The following CEP192 variants were observed in gnomAD, a reference collection of about 807,000 sequenced individuals.
CEP192 encodes centrosomal protein 192.
CEP192 carries 151 observed loss-of-function variants against 271.8 expected under a neutral mutation model. That is an observed-to-expected ratio of 0.56 (90% confidence interval 0.49 to 0.64). The LOEUF (loss-of-function observed/expected upper bound fraction) is 0.64. Among genes scored for constraint, CEP192 ranks in the 30% least tolerant of loss-of-function variants. CEP192 has a pLI of 0.00. For missense variants in CEP192, 2,910 were observed against 3,020.5 expected, an observed-to-expected ratio of 0.96 and a Z score of 0.86; for synonymous variants, 995 against 1,076.5, an observed-to-expected ratio of 0.92 and a Z score of 1.48.
chr18:13,023,948 TAAG>T (rs2035140221), intron 9 of CEP192, among the ~76,000 whole-genome samples: 2 of 152,328 alleles, frequency 1.3e-5, no homozygotes, highest in Middle Eastern at 6.8e-3. Flanking sequence ...TTTTTTCTGA[TAAG>T]AAGAATGTGT....
At position 13,013,028 on chromosome 18, in the gene CEP192, A is replaced by T; in HGVS notation, c.519+3A>T. Reference sequence around the variant, plus strand: ...GGATGAATAATAAGGAACCCAAGGTAACCTTTTATATATTTGGTATCATTT... The same window carrying T: ...GGATGAATAATAAGGAACCCAAGGTTACCTTTTATATATTTGGTATCATTT... On this transcript the variant is annotated splice_donor_region_variant and intron_variant, in intron 5 of 44. Coordinates refer to ENST00000506447, the MANE Select transcript of CEP192 (RefSeq NM_032142.4). The T allele has an allele frequency of 7.1e-7, 1 of 1,412,148 alleles. No homozygotes were observed. The highest frequency in any genetic ancestry group is 9.8e-7 in the Non-Finnish European group (1 of 1,022,886). 87.5% of individuals were successfully genotyped at this position (1,412,148 alleles called of 1,614,324 possible). A position where few individuals can be genotyped will look rare whatever the true frequency, so the allele number is the denominator to read the frequency against.
intron 42 of CEP192, among the ~76,000 whole-genome samples, chr18:13,115,176 C>CT (rs1269463330): frequency 6.6e-6 from 1 of 152,202 alleles, no homozygotes; most frequent in Non-Finnish European, 1.5e-5. Context: ...GCTGTTATCC[C>CT]TTGCTTCTCT....
chr18:13,049,596 G>T lies in CEP192; in HGVS notation c.2805G>T (p.Arg935Ser), dbSNP rs751770596. Reference protein sequence around the residue: ...EEIRDNRENQRQNECVSEISN... With the variant: ...EEIRDNRENQSQNECVSEISN... ...TACGAGATAACAGAGAAAATCAGAGGCAAAATGAGTGTGTCAGTGAAATAA... is the reference window on the plus strand; with the variant it reads ...TACGAGATAACAGAGAAAATCAGAGTCAAAATGAGTGTGTCAGTGAAATAA... The change falls in exon 16 of 45, where the codon AGG becomes AGT. Residue 935 changes from arginine to serine, a missense_variant. Transcript: ENST00000506447. The T allele has an allele frequency of 6.2e-7, 1 of 1,613,800 alleles. No homozygotes were observed. The highest frequency in any genetic ancestry group is 8.5e-7 in the Non-Finnish European group (1 of 1,179,968).
At chr18:13,018,681 A>G (rs1568287883) in intron 8 of CEP192, 66 bp downstream of exon 8, 2 of 1,119,718 alleles carry the variant, frequency 1.8e-6, no homozygotes, top group Non-Finnish European at 2.5e-6. Flanking sequence ...TTTTAAAAAA[A>G]AAATATTTCT....
intron 36 of CEP192, among the ~76,000 whole-genome samples, chr18:13,096,967 G>C (rs977136440): frequency 6.6e-6 from 1 of 152,144 alleles, no homozygotes; most frequent in African/African-American, 2.4e-5. Context: ...ACATCTGCAC[G>C]TTCCTTTATA....
chr18:13,117,721 C>A, intron 44 of CEP192, 78 bp downstream of exon 44: 1 of 1,040,726 alleles, frequency 9.6e-7, no homozygotes, highest in South Asian at 1.3e-5. Flanking sequence ...CTTGTGAGGT[C>A]TCCTCTGCTG....
At chr18:13,045,713 A>T (rs570308320) in intron 15 of CEP192, among the ~76,000 whole-genome samples, 31 of 152,334 alleles carry the variant, frequency 2.0e-4, no homozygotes, top group African/African-American at 7.2e-4. Context: ...TTGTGCATAA[A>T]ATTTGTTGCA....
intron 39 of CEP192, 164 bp downstream of exon 39, chr18:13,103,752 A>G (rs544839639): frequency 1.5e-5 from 10 of 665,564 alleles, no homozygotes; most frequent in South Asian, 9.4e-5. Flanking sequence ...GTGCAGTGGT[A>G]TGAACACTGC....
intron 37 of CEP192, 107 bp downstream of exon 37, chr18:13,099,688 A>C: frequency 1.7e-6 from 1 of 603,902 alleles, no homozygotes; most frequent in South Asian, 2.5e-5. Context: ...ATGAAAGCGT[A>C]CTTGACCCTT....
intron 3 of CEP192, among the ~76,000 whole-genome samples, chr18:13,003,914 G>A (rs1359116595): frequency 6.6e-6 from 1 of 152,130 alleles, no homozygotes; most frequent in Admixed American, 6.5e-5. Context: ...GAACAGGCGT[G>A]GTCCTCAGGA....
rs577242952 is a variant in CEP192, at chr18:13,106,917, C to T, written c.7047+1838C>T. 5.3e-5 allele frequency among the ~76,000 whole-genome samples: 8 copies of T among 152,248 alleles called. No homozygotes were observed. The South Asian group carries it at 1.7e-3, about 32-fold the overall frequency. On this transcript the variant is annotated intron_variant, in intron 40 of 44. Coordinates refer to ENST00000506447, the MANE Select transcript of CEP192 (RefSeq NM_032142.4). The stretch of plus-strand genomic sequence containing the variant: ...CTTATTATAAAACATCCACTGTAGC[C>T]AAAATTATCTGGGTTTCCTTTTCTT...
chr18:13,048,990 A>C lies in CEP192; in HGVS notation c.2199A>C (p.Gln733His), dbSNP rs562814678. 17 of 1,614,164 alleles carry C rather than the reference A, an allele frequency of 1.1e-5. No individual in the cohort carries two copies. The East Asian group carries it at 3.8e-4, about 36-fold the overall frequency. Reference protein sequence around the residue: ...AEASVNTDPSQLAAMIKALSN... With the variant: ...AEASVNTDPSHLAAMIKALSN... Reference sequence around the variant, plus strand: ...CATCAGTTAATACTGATCCTTCCCAACTTGCTGCAATGATCAAGGCACTTT... The same window carrying C: ...CATCAGTTAATACTGATCCTTCCCACCTTGCTGCAATGATCAAGGCACTTT... The change falls in exon 16 of 45, where the codon CAA becomes CAC. Residue 733 changes from glutamine to histidine, a missense_variant. Transcript: ENST00000506447.
In CEP192 at chr18:13,008,933, C is replaced by G. The variant is rs143182040; in HGVS notation, c.466+302C>G. On this transcript the variant is annotated intron_variant, in intron 4 of 44. Transcript: ENST00000506447. ...ATGTTGCCCAGGCTGGGCTCGAACG[C>G]CTGGACTCAAATGATCTGCTGTGCC... Among the ~76,000 whole-genome samples the G allele has an allele frequency of 2.3e-3, 345 of 151,852 alleles. 4 individuals are homozygous for G. The highest frequency in any genetic ancestry group is 8.0e-3 in the African/African-American group (331 of 41,412).
Position 13,038,387 on chromosome 18 carries a change from T to C in CEP192, c.1617T>C (p.Ala539=). 1.3e-6 allele frequency: 2 copies of C among 1,551,490 alleles called. No homozygotes were observed. The highest frequency in any genetic ancestry group is 1.7e-6 in the Non-Finnish European group (2 of 1,146,782). ...HQFIQEENID[A]HNTSVALGDT... ...CTCCCTAGGAAGAAAACATAGATGC[T>C]CATAATACTTCGGTTGCACTGGGCG... Residue 539 remains alanine, a synonymous_variant, in exon 13 of 45, where the codon GCT becomes GCC. Transcript: ENST00000506447.
At chr18:13,042,413 G>A in intron 15 of CEP192, 79 bp downstream of exon 15, 2 of 1,425,918 alleles carry the variant, frequency 1.4e-6, no homozygotes, top group South Asian at 2.5e-5. Flanking sequence ...GATCACCTGT[G>A]AAAAATTTAT....
intron 44 of CEP192, among the ~76,000 whole-genome samples, chr18:13,122,612 A>G (rs891410226): frequency 6.6e-6 from 1 of 152,090 alleles, no homozygotes; most frequent in African/African-American, 2.4e-5. Context: ...GGAAGGAAGG[A>G]AGTGTGGTTG....
chr18:13,001,516 C>T lies in CEP192; in HGVS notation c.224C>T (p.Ser75Leu). The change falls in exon 3 of 45, where the codon TCA becomes TTA. Residue 75 changes from serine to leucine, a missense_variant. Ser to Leu is a moderately radical substitution (Grantham distance 145, BLOSUM62 -2). Transcript: ENST00000506447. ...GGGAGATTTTCAGTTCCATCCGGGT[C>T]ATCTCCCGGAAGCCAGAGTGATGCT... The part of the protein sequence containing the change: ...VEGRFSVPSG[S>L]SPGSQSDAEP... The T allele has an allele frequency of 6.4e-7, 1 of 1,550,710 alleles. No homozygotes were observed. Among genetic ancestry groups the T allele is most frequent in the South Asian group, 1.2e-5 (1 of 83,986 alleles).
chr18:13,055,151 T>C (rs2037016296), intron 18 of CEP192, among the ~76,000 whole-genome samples: 1 of 151,894 alleles, frequency 6.6e-6, no homozygotes, highest in Non-Finnish European at 1.5e-5. Context: ...TGATAGCGGG[T>C]GCCTGTAATC....
intron 34 of CEP192, among the ~76,000 whole-genome samples, chr18:13,093,190 C>T (rs143788005): frequency 2.1e-3 from 313 of 152,232 alleles, no homozygotes; most frequent in Middle Eastern, 6.8e-3. Context: ...CACTCTCCTG[C>T]ATAGCCATGG....
Sources: allele counts gnomAD v4.1 joint callset (sites outside exome capture counted in the v4.1 genomes callset), GRCh38; gene constraint gnomAD v4.1.1; transcripts MANE v1.5; gene names NCBI Gene and HGNC (gene_info 2026-07-23, HGNC 2026-07-21).